Variants in MGMT observed in about 807,000 individuals in gnomAD.
MGMT encodes the protein methylated-DNA--protein-cysteine methyltransferase.
In MGMT, 14 loss-of-function variants were observed where a neutral mutation model predicts 15.9. The ratio of observed to expected loss-of-function variants is 0.88; its 90% CI spans 0.58 to 1.37. The LOEUF (loss-of-function observed/expected upper bound fraction) is 1.37. Ranked by LOEUF, MGMT falls within the 40% of genes most tolerant of loss-of-function variation. The pLI is 0.00. For missense variants in MGMT, 282 were observed against 268.1 expected (o/e 1.05, Z -0.36); for synonymous variants, 130 against 118.2 (o/e 1.10, Z -0.65).
chr10:129,545,116 A>G (rs1179884105), intron 2 of MGMT, among the ~76,000 whole-genome samples: 1 of 152,150 alleles, frequency 6.6e-6, no homozygotes, highest in African/African-American at 2.4e-5. Flanking sequence ...AATAAGAGAA[A>G]TGGAGATGGG....
At chr10:129,573,996 A>G (rs1191244023) in intron 2 of MGMT, among the ~76,000 whole-genome samples, 1 of 152,254 alleles carries the variant, frequency 6.6e-6, no homozygotes. Flanking sequence ...ACTTAGTTTT[A>G]CTGTGGAATC....
chr10:129,712,203 CCTGCCAAGGCAGGACCAGGCCTTGGGG>C (rs1281417924), intron 3 of MGMT, among the ~76,000 whole-genome samples: 2 of 152,148 alleles, frequency 1.3e-5, no homozygotes, highest in Non-Finnish European at 2.9e-5. Context: ...TGAGGGAGGT[CCTGCCAAGGCAGGACCAGGCCTTGGGG>C]CTGCCCACGC....
rs11436102 is a variant in MGMT at position 129,542,530 on chromosome 10, C to CA, written c.125+6160dup. 1.8e-3 allele frequency among the ~76,000 whole-genome samples: 268 copies of CA among 152,184 alleles called. 2 individuals are homozygous for CA. The highest frequency in any genetic ancestry group is 5.6e-3 in the African/African-American group (231 of 41,520). Reference sequence around the variant, plus strand: ...AAGCACTGCCAGTAAAAATAACATCCAAAAAAACGCGCTCTGTAGGACTTT... The same window carrying CA: ...AAGCACTGCCAGTAAAAATAACATCCAAAAAAAACGCGCTCTGTAGGACTTT... On this transcript the variant is annotated intron_variant, in intron 2 of 4. Transcript: ENST00000651593.
chr10:129,625,726 C>T (rs756350566), intron 2 of MGMT, among the ~76,000 whole-genome samples: 2 of 3,316 alleles, frequency 6.0e-4, no homozygotes, highest in Non-Finnish European at 0.014. Flanking sequence ...AGTGTGCACA[C>T]GTGTGTGTGC....
intron 2 of MGMT, among the ~76,000 whole-genome samples, chr10:129,664,756 G>A (rs1847638235): frequency 6.6e-6 from 1 of 152,108 alleles, no homozygotes; most frequent in Non-Finnish European, 1.5e-5. Context: ...ATTAGCAGGG[G>A]GAAGAGAAGC....
intron 2 of MGMT, among the ~76,000 whole-genome samples, chr10:129,688,518 A>G (rs189765741): frequency 2.6e-5 from 4 of 152,094 alleles, no homozygotes; most frequent in Admixed American, 6.5e-5. Flanking sequence ...CATATCCTTC[A>G]CCCACTTTTT....
At chr10:129,679,389 C>T (rs1229242373) in intron 2 of MGMT, among the ~76,000 whole-genome samples, 6 of 152,064 alleles carry the variant, frequency 3.9e-5, no homozygotes, top group Non-Finnish European at 8.8e-5. Context: ...GGCATGAGGT[C>T]TGAGTCCCGG....
intron 2 of MGMT, among the ~76,000 whole-genome samples, chr10:129,703,457 G>A (rs549649760): frequency 4.6e-5 from 7 of 152,258 alleles, no homozygotes; most frequent in East Asian, 1.9e-4. Flanking sequence ...CCCAGCTCTC[G>A]TGGTAGAATG....
rs566352063 is a variant in MGMT at position 129,747,748 on chromosome 10, C to T, written c.275-11454C>T. Among the ~76,000 whole-genome samples the T allele has an allele frequency of 2.0e-5, 3 of 152,310 alleles. No homozygotes were observed. The South Asian group carries it at 6.2e-4, about 32-fold the overall frequency. The stretch of plus-strand genomic sequence containing the variant: ...TACTGCCCTTCTTCCATTCCAGGAT[C>T]CTGCCTTGGATACTGCATTCCTAGC... On this transcript the variant is annotated intron_variant, in intron 3 of 4. Transcript: ENST00000651593.
chr10:129,743,979 A>G (rs1399053538), intron 3 of MGMT, among the ~76,000 whole-genome samples: 16 of 152,220 alleles, frequency 1.1e-4, no homozygotes, highest in Non-Finnish European at 1.9e-4. Flanking sequence ...CTGGGATGGG[A>G]TGACCTGGTG....
At chr10:129,637,217 G>A (rs1847273334) in intron 2 of MGMT, among the ~76,000 whole-genome samples, 1 of 152,182 alleles carries the variant, frequency 6.6e-6, no homozygotes, top group Non-Finnish European at 1.5e-5. Context: ...AGTGCCCCTT[G>A]AATAGAAAAC....
At chr10:129,749,523 A>G (rs1403430278) in intron 3 of MGMT, among the ~76,000 whole-genome samples, 2 of 152,158 alleles carry the variant, frequency 1.3e-5, no homozygotes, top group Non-Finnish European at 2.9e-5. Context: ...CCGTTCACCT[A>G]TCGAACAACA....
chr10:129,627,581 C>G (rs1847165122), intron 2 of MGMT, among the ~76,000 whole-genome samples: 2 of 152,282 alleles, frequency 1.3e-5, no homozygotes, highest in African/African-American at 4.8e-5. Flanking sequence ...AATATGAGAC[C>G]TGTGCACTGA....
intron 2 of MGMT, among the ~76,000 whole-genome samples, chr10:129,617,239 C>T (rs900894338): frequency 6.6e-6 from 1 of 152,176 alleles, no homozygotes; most frequent in Non-Finnish European, 1.5e-5. Context: ...CTGCAAAGGA[C>T]AACATGGATG....
At position 129,483,895 on chromosome 10, in the gene MGMT, GATAGAT is replaced by G. The variant is rs373066697; in HGVS notation, c.-13+16613_-13+16618del. On this transcript the variant is annotated intron_variant, in intron 1 of 4. Coordinates refer to ENST00000651593, the MANE Select transcript of MGMT (RefSeq NM_002412.5). ...AGGTAGATAAATAGATATATAGATA[GATAGAT>G]ATAGATATAGATACCTTGGGGATGT... Among the ~76,000 whole-genome samples the G allele has an allele frequency of 1.6e-3, 240 of 152,130 alleles. 1 individual carries two copies. Among genetic ancestry groups the G allele is most frequent in the African/African-American group, 4.7e-3 (196 of 41,486 alleles).
At chr10:129,645,053 C>T (rs932076595) in intron 2 of MGMT, among the ~76,000 whole-genome samples, 9 of 151,588 alleles carry the variant, frequency 5.9e-5, no homozygotes, top group Admixed American at 6.6e-5. Context: ...AATTCTCCCA[C>T]GCTCCTTTTT....
chr10:129,684,428 G>C (rs991261864), intron 2 of MGMT, among the ~76,000 whole-genome samples: 1 of 152,204 alleles, frequency 6.6e-6, no homozygotes, highest in Non-Finnish European at 1.5e-5. Flanking sequence ...GGGAAAATTT[G>C]TCAGCCTTGT....
chr10:129,599,618 G>A (rs547434943), intron 2 of MGMT, among the ~76,000 whole-genome samples: 31 of 152,156 alleles, frequency 2.0e-4, no homozygotes, highest in South Asian at 4.1e-4. Context: ...GGTAATAAGC[G>A]TCCTTCCCAC....
chr10:129,479,228 G>C (rs1026932393), intron 1 of MGMT, among the ~76,000 whole-genome samples: 8 of 151,518 alleles, frequency 5.3e-5, no homozygotes, highest in Non-Finnish European at 1.2e-4. Context: ...TTAGGGTGGG[G>C]ACATATAATA....
Sources: allele counts gnomAD v4.1 joint callset (sites outside exome capture counted in the v4.1 genomes callset), GRCh38; gene constraint gnomAD v4.1.1; transcripts MANE v1.5; gene names NCBI Gene and HGNC (gene_info 2026-07-23, HGNC 2026-07-21).